Variants in DUSP22 observed in about 807,000 individuals in gnomAD.
The protein encoded by DUSP22 is dual specificity phosphatase 22, also known as dual specificity protein phosphatase 22.
A neutral mutation model predicts 24.5 loss-of-function variants in DUSP22; 24 were observed. The ratio of observed to expected loss-of-function variants is 0.98; its 90% confidence interval spans 0.71 to 1.38. The LOEUF (loss-of-function observed/expected upper bound fraction) is 1.38. Ranked by LOEUF, DUSP22 falls within the 40% of genes most tolerant of loss-of-function variation. The pLI, the probability that DUSP22 is intolerant of heterozygous loss-of-function variation, is 0.00. For synonymous variants in DUSP22, 160 were observed against 106.4 expected (o/e 1.50, Z -3.10); for missense variants, 330 against 269.2 (o/e 1.23, Z -1.58).
chr6:299,895 CTCA>C (rs1316384902), intron 1 of DUSP22, among the ~76,000 whole-genome samples: 1 of 152,308 alleles, frequency 6.6e-6, no homozygotes, highest in South Asian at 2.1e-4. Flanking sequence ...TCAGGCTTCA[CTCA>C]TCATCATTTT....
intron 3 of DUSP22, among the ~76,000 whole-genome samples, chr6:315,022 T>A (rs1288210494): frequency 6.6e-6 from 1 of 152,428 alleles, no homozygotes; most frequent in African/African-American, 2.4e-5. Context: ...TTGCCTCTGG[T>A]CAGGGAGTGG....
At chr6:313,798 T>C (rs1654880167) in intron 3 of DUSP22, among the ~76,000 whole-genome samples, 1 of 152,312 alleles carries the variant, frequency 6.6e-6, no homozygotes, top group African/African-American at 2.4e-5. Context: ...TAATTCATGA[T>C]ATATTCTTAT....
intron 4 of DUSP22, among the ~76,000 whole-genome samples, chr6:335,878 C>T (rs796601358): frequency 7.3e-4 from 111 of 152,372 alleles, no homozygotes; most frequent in African/African-American, 2.6e-3. Context: ...TAGGAAAGTC[C>T]AGTCCTCTAT....
Position 349,220 on chromosome 6 carries a change from T to G in DUSP22, c.*269T>G. 7.2e-7 allele frequency: 1 copy of G among 1,387,226 alleles called. No individual in the cohort carries two copies. The highest frequency in any genetic ancestry group is 9.3e-7 in the Non-Finnish European group (1 of 1,070,428). 85.9% of individuals were successfully genotyped at this position (1,387,226 alleles called of 1,614,324 possible). A position where few individuals can be genotyped will look rare whatever the true frequency, so the allele number is the denominator to read the frequency against. ...CTCTGTGCACGTGCGTGTGTGTGAG[T>G]GCACTTGTGTGTGGGTGACTAAGTG... is the stretch of plus-strand genomic sequence containing the variant. On this transcript the variant is annotated 3_prime_UTR_variant, in exon 7 of 7. Coordinates refer to ENST00000419235, the MANE Select transcript of DUSP22 (RefSeq NM_001286555.3).
In DUSP22 at chr6:350,333, G is replaced by A. The variant is rs1416124501; in HGVS notation, c.*1382G>A. Reference sequence around the variant, plus strand: ...CTGCAGGCATCCTGGGACGCTGTACGCAATTCAGTGGTCTAGTCCTTTATA... The same window carrying A: ...CTGCAGGCATCCTGGGACGCTGTACACAATTCAGTGGTCTAGTCCTTTATA... On this transcript the variant is annotated 3_prime_UTR_variant, in exon 7 of 7. Transcript: ENST00000419235. 13 of 1,011,952 alleles carry A rather than the reference G, an allele frequency of 1.3e-5. No homozygotes were observed. The highest frequency in any genetic ancestry group is 4.1e-5 in the South Asian group (1 of 24,596). 62.7% of individuals were successfully genotyped at this position (1,011,952 alleles called of 1,614,324 possible).
intron 1 of DUSP22, among the ~76,000 whole-genome samples, chr6:292,917 A>G (rs1418715883): frequency 2.6e-5 from 4 of 152,206 alleles, no homozygotes; most frequent in African/African-American, 9.6e-5. Context: ...TTCGCTCCCA[A>G]ACTACGCTCT....
Position 332,780 on chromosome 6 carries a change from A to T in DUSP22, c.139-2334A>T, listed in dbSNP as rs556250043. Among the ~76,000 whole-genome samples, 22 of 152,402 alleles carry T rather than the reference A, an allele frequency of 1.4e-4. No individual in the cohort carries two copies. The East Asian group carries it at 4.2e-3, about 29-fold the overall frequency. ...GTCTTAAGCTTCCTTGCCAGATGGA[A>T]GTCGCTGACACTGAAGATGGCACTA... On this transcript the variant is annotated intron_variant, in intron 3 of 6. Transcript: ENST00000419235.
chr6:312,036 G>GGCA (rs1186279696), intron 3 of DUSP22, 74 bp downstream of exon 3: 11 of 1,240,570 alleles, frequency 8.9e-6, no homozygotes, highest in Non-Finnish European at 1.1e-6. Context: ...CGTTAATGAA[G>GGCA]GCAACCAGGT....
chr6:345,766 T>G, intron 4 of DUSP22, 88 bp from the exon 5 acceptor site: 12 of 1,504,298 alleles, frequency 8.0e-6, no homozygotes, highest in Non-Finnish European at 1.0e-5. Flanking sequence ...AATTAACATT[T>G]TAAGAAAGAA....
intron 3 of DUSP22, among the ~76,000 whole-genome samples, chr6:324,208 C>T (rs773720307): frequency 6.6e-6 from 1 of 152,308 alleles, no homozygotes; most frequent in African/African-American, 2.4e-5. Flanking sequence ...GCACTCTCTT[C>T]CCCTGTGCTT....
At chr6:308,487 A>G (rs1324156076) in intron 2 of DUSP22, among the ~76,000 whole-genome samples, 4 of 152,296 alleles carry the variant, frequency 2.6e-5, no homozygotes, top group Non-Finnish European at 4.4e-5. Context: ...AGGATGCATC[A>G]GCGAACACGG....
At chr6:326,902 C>CA (rs1471832232) in intron 3 of DUSP22, among the ~76,000 whole-genome samples, 1 of 152,310 alleles carries the variant, frequency 6.6e-6, no homozygotes, top group African/African-American at 2.4e-5. Context: ...ATGGGATGTG[C>CA]AAAACAAGCT....
intron 5 of DUSP22, among the ~76,000 whole-genome samples, chr6:347,108 C>T (rs1325506642): frequency 1.3e-5 from 2 of 152,290 alleles, no homozygotes; most frequent in African/African-American, 2.4e-5. Flanking sequence ...CAATTGGAGC[C>T]AATTAAAGCG....
chr6:332,354 C>T (rs1387219407), intron 3 of DUSP22, among the ~76,000 whole-genome samples: 1 of 152,300 alleles, frequency 6.6e-6, no homozygotes, highest in African/African-American at 2.4e-5. Flanking sequence ...CGACTGTGGG[C>T]AGGGGCCAGC....
chr6:299,160 C>T (rs1050548653), intron 1 of DUSP22, among the ~76,000 whole-genome samples: 6 of 152,416 alleles, frequency 3.9e-5, no homozygotes, highest in African/African-American at 1.4e-4. Context: ...TTTTTTCCAA[C>T]TTGTCCTTGC....
At chr6:314,515 A>G (rs1416086848) in intron 3 of DUSP22, among the ~76,000 whole-genome samples, 1 of 152,312 alleles carries the variant, frequency 6.6e-6, no homozygotes, top group Non-Finnish European at 1.5e-5. Context: ...TCAGTTACAA[A>G]GGGCTTTTGG....
At chr6:312,100 C>G in intron 3 of DUSP22, 138 bp downstream of exon 3, 2 of 983,448 alleles carry the variant, frequency 2.0e-6, no homozygotes, top group Non-Finnish European at 3.0e-6. Flanking sequence ...CCATTGTGTT[C>G]AGGCCGTGTT....
intron 4 of DUSP22, among the ~76,000 whole-genome samples, chr6:338,907 C>T (rs1048667199): frequency 3.9e-5 from 6 of 152,418 alleles, no homozygotes; most frequent in South Asian, 2.1e-4. Flanking sequence ...GCAGACTGCC[C>T]GGAAAGGTCA....
chr6:346,535 A>G (rs1227341755), intron 5 of DUSP22, among the ~76,000 whole-genome samples: 1 of 152,304 alleles, frequency 6.6e-6, no homozygotes, highest in Non-Finnish European at 1.5e-5. Context: ...CCTGGCACAT[A>G]GAGAGTTCTT....
Sources: gnomAD v4.1 joint callset for allele counts (sites outside exome capture counted in the v4.1 genomes callset) on GRCh38, gnomAD v4.1.1 for gene constraint, MANE v1.5 for transcripts, NCBI Gene and HGNC (gene_info 2026-07-23, HGNC 2026-07-21) for gene names.